PCDHA13: variants seen among roughly 807,000 people sequenced by gnomAD.
PCDHA13 encodes the protein protocadherin alpha-13.
In PCDHA13, 54 loss-of-function variants were observed where a neutral mutation model predicts 64.8. The ratio of observed to expected loss-of-function variants is 0.83; its 90% confidence interval spans 0.67 to 1.04. PCDHA13 has a LOEUF of 1.04. PCDHA13 is among the 50% of genes least tolerant of loss of function. The pLI is 0.00. For missense variants in PCDHA13, 1,248 were observed against 1,254.3 expected, an observed-to-expected ratio of 0.99 and a Z score of 0.08; for synonymous variants, 587 against 564.4, an observed-to-expected ratio of 1.04 and a Z score of -0.57.
chr5:140,941,467 C>G (rs1290341607), intron 1 of PCDHA13, among the ~76,000 whole-genome samples: 4 of 151,456 alleles, frequency 2.6e-5, no homozygotes, highest in Non-Finnish European at 5.9e-5. Context: ...AGGCGCCCAC[C>G]ACCACGCCTG....
intron 1 of PCDHA13, among the ~76,000 whole-genome samples, chr5:140,895,931 C>A (rs1365477787): frequency 5.3e-5 from 8 of 152,210 alleles, no homozygotes; most frequent in African/African-American, 1.9e-4. Flanking sequence ...CTGCCTCAGC[C>A]TCCCGAGTAG....
intron 1 of PCDHA13, among the ~76,000 whole-genome samples, chr5:140,934,548 ATT>A (rs1290393008): frequency 1.3e-5 from 2 of 152,018 alleles, no homozygotes; most frequent in African/African-American, 2.4e-5. Context: ...TAATTCTATC[ATT>A]TCTTCTTTTT....
At chr5:140,934,636 G>A (rs782329021) in intron 1 of PCDHA13, among the ~76,000 whole-genome samples, 17 of 151,974 alleles carry the variant, frequency 1.1e-4, no homozygotes, top group Non-Finnish European at 1.9e-4. Flanking sequence ...CACAGGAAAG[G>A]CAGGATAAAT....
intron 1 of PCDHA13, among the ~76,000 whole-genome samples, chr5:140,921,646 G>T (rs957810883): frequency 6.6e-6 from 1 of 152,124 alleles, no homozygotes; most frequent in Admixed American, 6.5e-5. Context: ...GCTATTTTAA[G>T]GGAACTTAAT....
intron 1 of PCDHA13, among the ~76,000 whole-genome samples, chr5:140,899,245 G>A (rs2067216472): frequency 6.6e-6 from 1 of 152,128 alleles, no homozygotes; most frequent in Non-Finnish European, 1.5e-5. Context: ...GGAGTGGTGA[G>A]AGAGGGCATC....
At chr5:140,926,926 T>C in intron 1 of PCDHA13, 1 of 1,573,576 alleles carries the variant, frequency 6.4e-7, no homozygotes, top group South Asian at 1.2e-5. Flanking sequence ...TTTATGTTTG[T>C]GGGTTTCCTG....
rs77940063 is a variant in PCDHA13, at chr5:140,966,638, T to G, written c.2395-12311T>G. Reference sequence around the variant, plus strand: ...ACGGAGGGAGCGGCCCCAGGCGCTTTCTAGAGCGTGAGCGGTGGGGGAGCA... The same window carrying G: ...ACGGAGGGAGCGGCCCCAGGCGCTTGCTAGAGCGTGAGCGGTGGGGGAGCA... On this transcript the variant is annotated intron_variant, in intron 1 of 3. Transcript: ENST00000289272. The G allele has an allele frequency of 3.9e-3, 4,251 of 1,090,104 alleles. 104 individuals carry two copies. The African/African-American group carries it at 0.057, about 15-fold the overall frequency. 67.5% of individuals were successfully genotyped at this position (1,090,104 alleles called of 1,614,324 possible).
chr5:141,001,518 C>G (rs573560944), intron 3 of PCDHA13, among the ~76,000 whole-genome samples: 2 of 152,272 alleles, frequency 1.3e-5, no homozygotes, highest in East Asian at 1.9e-4. Context: ...AGCTTTCTCC[C>G]TCTCTCTCTG....
At chr5:140,938,209 G>C (rs1210350140) in intron 1 of PCDHA13, among the ~76,000 whole-genome samples, 1 of 152,160 alleles carries the variant, frequency 6.6e-6, no homozygotes, top group Admixed American at 6.5e-5. Flanking sequence ...GCCTCCCAAA[G>C]TGCTGGGATT....
chr5:140,899,606 A>G (rs1330407383), intron 1 of PCDHA13, among the ~76,000 whole-genome samples: 1 of 152,168 alleles, frequency 6.6e-6, no homozygotes, highest in Non-Finnish European at 1.5e-5. Flanking sequence ...GGACTTTTGC[A>G]TCAATGTTCA....
rs782525734 is a variant in PCDHA13 at position 140,884,093 on chromosome 5, T to A, written c.1825T>A (p.Tyr609Asn). 3.1e-6 allele frequency: 5 copies of A among 1,613,500 alleles called. No homozygotes were observed. In the Admixed American group the frequency reaches 8.3e-5, roughly 27 times the overall value. ...ADSGYNAWLS[Y>N]ELQLAAVGAR... ...TTCGGGCTACAATGCGTGGCTTTCGTATGAATTGCAGCTGGCGGCGGTCGG... is the reference window on the plus strand; with the variant it reads ...TTCGGGCTACAATGCGTGGCTTTCGAATGAATTGCAGCTGGCGGCGGTCGG... Residue 609 changes from tyrosine (Y) to asparagine (N), a missense_variant, in exon 1 of 4, where the codon TAT (tyrosine) becomes AAT (asparagine). By Grantham distance (143) the Tyr-to-Asn change is moderately radical. Coordinates refer to ENST00000289272, the MANE Select transcript of PCDHA13 (RefSeq NM_018904.3).
chr5:141,005,263 A>T (rs1223276392), intron 3 of PCDHA13, among the ~76,000 whole-genome samples: 2 of 152,198 alleles, frequency 1.3e-5, no homozygotes, highest in Admixed American at 1.3e-4. Context: ...GGCACTGGTG[A>T]TACATTGGTG....
chr5:140,927,192 G>T, intron 1 of PCDHA13: 4 of 1,614,154 alleles, frequency 2.5e-6, no homozygotes, highest in Non-Finnish European at 3.4e-6. Flanking sequence ...ACGACCTGGT[G>T]CTCGAGGACC....
intron 1 of PCDHA13, chr5:140,968,252 C>T: frequency 1.2e-6 from 2 of 1,613,948 alleles, no homozygotes; most frequent in Non-Finnish European, 1.7e-6. Context: ...AGCCACAGAC[C>T]CAGATGAAAA....
In PCDHA13 at chr5:140,882,779, C is replaced by G. The variant is rs1554175579; in HGVS notation, c.511C>G (p.Arg171Gly). Residue 171 changes from arginine (R) to glycine (G), a missense_variant, in exon 1 of 4, where the codon CGA (arginine) becomes GGA (glycine). Transcript: ENST00000289272. The stretch of plus-strand genomic sequence containing the variant: ...TGGAGTAAACTCGGCATTGACCTAC[C>G]GACTGGATCCCAACGATTATTTCAC... The part of the protein sequence containing the change: ...DIGVNSALTY[R>G]LDPNDYFTLD... 1.2e-6 allele frequency: 2 copies of G among 1,614,168 alleles called. No individual in the cohort carries two copies. The highest frequency in any genetic ancestry group is 8.5e-7 in the Non-Finnish European group (1 of 1,180,034).
At chr5:140,933,833 A>C (rs944428844) in intron 1 of PCDHA13, among the ~76,000 whole-genome samples, 1 of 151,928 alleles carries the variant, frequency 6.6e-6, no homozygotes, top group Non-Finnish European at 1.5e-5. Flanking sequence ...TATTGCTCCT[A>C]TTTCATTCCT....
At chr5:140,962,747 G>A (rs1385433172) in intron 1 of PCDHA13, among the ~76,000 whole-genome samples, 1 of 152,142 alleles carries the variant, frequency 6.6e-6, no homozygotes, top group Non-Finnish European at 1.5e-5. Flanking sequence ...ATGAAGATCA[G>A]GAATCCTATT....
At chr5:140,915,638 C>CTCTT (rs1554197009) in intron 1 of PCDHA13, among the ~76,000 whole-genome samples, 3 of 151,724 alleles carry the variant, frequency 2.0e-5, no homozygotes, top group Admixed American at 1.3e-4. Context: ...CTCTCTCTCT[C>CTCTT]TCTCTCTCTC....
chr5:140,961,929 G>C (rs1387333199), intron 1 of PCDHA13, among the ~76,000 whole-genome samples: 1 of 151,712 alleles, frequency 6.6e-6, no homozygotes, highest in Non-Finnish European at 1.5e-5. Context: ...TGTTGCCCAG[G>C]CTGGAGTGCA....
Sources: allele counts gnomAD v4.1 joint callset (sites outside exome capture counted in the v4.1 genomes callset), GRCh38; gene constraint gnomAD v4.1.1; transcripts MANE v1.5; gene names NCBI Gene and HGNC (gene_info 2026-07-23, HGNC 2026-07-21).